AKAP6: variants seen among roughly 807,000 people sequenced by gnomAD.
AKAP6 encodes A-kinase anchor protein 6.
AKAP6 carries 58 observed loss-of-function variants against 188.5 expected under a neutral mutation model. The observed-to-expected ratio is 0.31, with a 90% CI of 0.25 to 0.38. The LOEUF is 0.38. Ranked by LOEUF, AKAP6 falls within the 10% of genes least tolerant of loss-of-function variation. The pLI is 1.00. For synonymous variants in AKAP6, 989 were observed against 998.6 expected (o/e 0.99, Z 0.18); for missense variants, 2,710 against 2,740.0 (o/e 0.99, Z 0.24).
At chr14:32,539,046 A>G (rs1247209468) in intron 3 of AKAP6, among the ~76,000 whole-genome samples, 1 of 152,128 alleles carries the variant, frequency 6.6e-6, no homozygotes, top group Non-Finnish European at 1.5e-5. Context: ...GACTCTATGC[A>G]TTCAAAGGTG....
intron 7 of AKAP6, among the ~76,000 whole-genome samples, chr14:32,658,365 C>T (rs1397332100): frequency 6.6e-6 from 1 of 152,040 alleles, no homozygotes; most frequent in Non-Finnish European, 1.5e-5. Context: ...TCATATTGTA[C>T]ATATCTCCCT....
intron 12 of AKAP6, among the ~76,000 whole-genome samples, chr14:32,802,961 G>A (rs2033989566): frequency 6.6e-6 from 1 of 151,700 alleles, no homozygotes; most frequent in South Asian, 2.1e-4. Flanking sequence ...AGCCAGGCGT[G>A]GTTGTGTATG....
chr14:32,764,319 C>T (rs2032636202), intron 11 of AKAP6, among the ~76,000 whole-genome samples: 3 of 152,080 alleles, frequency 2.0e-5, no homozygotes. Context: ...TTATAACCAC[C>T]CTGAGCTTAA....
chr14:32,626,757 C>T (rs1228824544), intron 7 of AKAP6, among the ~76,000 whole-genome samples: 3 of 152,118 alleles, frequency 2.0e-5, no homozygotes, highest in Non-Finnish European at 4.4e-5. Flanking sequence ...CAAAATTAAT[C>T]GCATTTGATG....
intron 7 of AKAP6, 61 bp from the exon 8 acceptor site, chr14:32,678,250 C>G: frequency 6.5e-7 from 1 of 1,535,188 alleles, no homozygotes; most frequent in Non-Finnish European, 8.9e-7. Flanking sequence ...GTTGTTACAC[C>G]TCACTTGAAA....
At chr14:32,351,135 G>A (rs191511432) in intron 1 of AKAP6, among the ~76,000 whole-genome samples, 40 of 152,202 alleles carry the variant, frequency 2.6e-4, no homozygotes, top group Admixed American at 4.6e-4. Context: ...TCAAACTGTC[G>A]AGTCTACATC....
chr14:32,444,422 A>G (rs943984558), intron 2 of AKAP6, among the ~76,000 whole-genome samples: 1 of 152,210 alleles, frequency 6.6e-6, no homozygotes, highest in African/African-American at 2.4e-5. Flanking sequence ...TTTTCTTTGT[A>G]TAAATGTGAA....
At chr14:32,397,586 G>C (rs1006182825) in intron 1 of AKAP6, among the ~76,000 whole-genome samples, 1 of 151,958 alleles carries the variant, frequency 6.6e-6, no homozygotes, top group Non-Finnish European at 1.5e-5. Flanking sequence ...CATGAGGAGC[G>C]AGCATATGAC....
intron 12 of AKAP6, among the ~76,000 whole-genome samples, chr14:32,775,429 T>C (rs1395050489): frequency 6.7e-6 from 1 of 149,382 alleles, no homozygotes; most frequent in African/African-American, 2.5e-5. Context: ...TAGACATTTT[T>C]ATCCTTTTTT....
chr14:32,536,462 G>A (rs543330342), intron 3 of AKAP6, among the ~76,000 whole-genome samples: 1 of 152,270 alleles, frequency 6.6e-6, no homozygotes, highest in African/African-American at 2.4e-5. Context: ...ACCAGGAGGC[G>A]GGATTTGGGC....
chr14:32,721,319 G>C (rs866607259), intron 9 of AKAP6, among the ~76,000 whole-genome samples: 89 of 152,242 alleles, frequency 5.8e-4, no homozygotes, highest in Middle Eastern at 3.4e-3. Flanking sequence ...CTGGTAGCAA[G>C]GATTAAAATG....
At chr14:32,493,934 G>A (rs931220034) in intron 2 of AKAP6, among the ~76,000 whole-genome samples, 2 of 152,080 alleles carry the variant, frequency 1.3e-5, no homozygotes, top group African/African-American at 4.8e-5. Flanking sequence ...CTGAGGAGGG[G>A]TCATTAAGCC....
intron 1 of AKAP6, among the ~76,000 whole-genome samples, chr14:32,416,925 C>T (rs750749212): frequency 3.3e-4 from 50 of 152,312 alleles, no homozygotes; most frequent in Non-Finnish European, 5.3e-4. Flanking sequence ...ACTGCAACTT[C>T]CGCCTCCTGG....
intron 7 of AKAP6, among the ~76,000 whole-genome samples, chr14:32,635,016 A>C (rs1216716522): frequency 6.6e-6 from 1 of 151,844 alleles, no homozygotes; most frequent in African/African-American, 2.4e-5. Context: ...TTCAGTGTAA[A>C]CTCAAGAGTG....
At chr14:32,497,574 T>C (rs1880386206) in intron 2 of AKAP6, among the ~76,000 whole-genome samples, 1 of 152,096 alleles carries the variant, frequency 6.6e-6, no homozygotes, top group African/African-American at 2.4e-5. Context: ...ACTGTTTTAG[T>C]AGAAAAGAAA....
intron 7 of AKAP6, among the ~76,000 whole-genome samples, chr14:32,669,634 C>T (rs1039508041): frequency 5.9e-5 from 9 of 152,254 alleles, no homozygotes; most frequent in Non-Finnish European, 5.9e-5. Flanking sequence ...TCCATTCTCA[C>T]GCTGCTAATA....
At chr14:32,532,565 T>C (rs1882470944) in intron 2 of AKAP6, among the ~76,000 whole-genome samples, 2 of 152,268 alleles carry the variant, frequency 1.3e-5, no homozygotes, top group Admixed American at 1.3e-4. Flanking sequence ...CATGTGCTTT[T>C]ACATGATGCT....
At chr14:32,524,692 A>C (rs986359868) in intron 2 of AKAP6, among the ~76,000 whole-genome samples, 2 of 152,138 alleles carry the variant, frequency 1.3e-5, no homozygotes, top group Non-Finnish European at 1.5e-5. Flanking sequence ...TACTGTAGAT[A>C]TATTTGTGTA....
At chr14:32,503,449 C>A (rs1426108315) in intron 2 of AKAP6, among the ~76,000 whole-genome samples, 1 of 151,758 alleles carries the variant, frequency 6.6e-6, no homozygotes, top group Non-Finnish European at 1.5e-5. Flanking sequence ...TCAAATTTAT[C>A]TTTCTTTTAA....
Sources: gnomAD v4.1 joint callset for allele counts (sites outside exome capture counted in the v4.1 genomes callset) on GRCh38, gnomAD v4.1.1 for gene constraint, MANE v1.5 for transcripts, NCBI Gene and HGNC (gene_info 2026-07-23, HGNC 2026-07-21) for gene names.